Variants in TJP1 observed in about 807,000 individuals in gnomAD.
The protein encoded by TJP1 is tight junction protein ZO-1.
Under a neutral mutation model 194.2 loss-of-function variants are expected in TJP1, and 43 were observed. The ratio of observed to expected loss-of-function variants is 0.22; its 90% CI spans 0.17 to 0.29. TJP1 has a LOEUF of 0.29. Ranked by LOEUF, TJP1 falls within the 10% of genes least tolerant of loss-of-function variation. The probability of loss-of-function intolerance (pLI) is 1.00; values close to 1 mark genes in which losing one functional copy is unlikely to be tolerated. For missense variants in TJP1, 1,971 were observed against 2,185.7 expected (o/e 0.90, Z 1.96); for synonymous variants, 801 against 779.0 (o/e 1.03, Z -0.47).
At chr15:29,899,969 T>C (rs1362054706) in intron 2 of TJP1, among the ~76,000 whole-genome samples, 1 of 152,012 alleles carries the variant, frequency 6.6e-6, no homozygotes, top group Non-Finnish European at 1.5e-5. Flanking sequence ...TCTATTCCAG[T>C]AGGGAAAACA....
chr15:29,833,881 A>ATTTTTTTTTTTTT (rs10650949), intron 2 of TJP1, among the ~76,000 whole-genome samples: 13 of 12,614 alleles, frequency 1.0e-3, no homozygotes, highest in African/African-American at 1.2e-3. Context: ...ATATATATAT[A>ATTTTTTTTTTTTT]TTTTTTTTTT....
intron 2 of TJP1, among the ~76,000 whole-genome samples, chr15:29,874,902 A>G (rs1187857359): frequency 6.6e-6 from 1 of 152,250 alleles, no homozygotes; most frequent in Non-Finnish European, 1.5e-5. Flanking sequence ...GTAAATACAG[A>G]GCTAATAATT....
At chr15:29,744,244 T>G (rs1027227762) in intron 8 of TJP1, among the ~76,000 whole-genome samples, 1 of 152,028 alleles carries the variant, frequency 6.6e-6, no homozygotes, top group African/African-American at 2.4e-5. Flanking sequence ...TAGGGAAAGA[T>G]ATGGAGAAAC....
chr15:29,815,936 G>C (rs2049882814), intron 1 of TJP1, among the ~76,000 whole-genome samples: 1 of 152,080 alleles, frequency 6.6e-6, no homozygotes, highest in African/African-American at 2.4e-5. Context: ...AAATCAAACG[G>C]GAAGCAGTAC....
At position 29,938,053 on chromosome 15, in the gene TJP1, T is replaced by C. The variant is rs151260080; in HGVS notation, c.306+18179A>G. 1.8e-3 allele frequency among the ~76,000 whole-genome samples: 267 copies of C among 152,362 alleles called. 2 individuals are homozygous for C. The highest frequency in any genetic ancestry group is 6.2e-3 in the African/African-American group (258 of 41,584). On this transcript the variant is annotated intron_variant, in intron 2 of 28. Coordinates refer to the TJP1 transcript ENST00000356107. The stretch of plus-strand genomic sequence containing the variant: ...TCTGCTGTGAATACAGGACCTGTAA[T>C]ATGCTTGTTCTACTTGACATATAAA...
rs368537788 is a variant in TJP1 at position 29,719,795 on chromosome 15, C to T, written c.2985G>A (p.Ser995=). The T allele has an allele frequency of 5.7e-5, 92 of 1,613,678 alleles. 2 individuals are homozygous for T. Among genetic ancestry groups the T allele is most frequent in the South Asian group, 4.7e-4 (43 of 90,958 alleles). ...MLRDQEPSLS[S]HVDPTKVYRK... Reference sequence around the variant, plus strand: ...CAGGTACCTTTGTTGGATCTACATGCGACGACAATGATGGTTCTTGATCTC... The same window carrying T: ...CAGGTACCTTTGTTGGATCTACATGTGACGACAATGATGGTTCTTGATCTC... The change falls in exon 20 of 28, where the codon TCG becomes TCA. Residue 995 remains serine (S), a synonymous_variant. Transcript: ENST00000614355.
intron 2 of TJP1, among the ~76,000 whole-genome samples, chr15:29,878,152 C>G (rs1778177503): frequency 6.6e-6 from 1 of 152,130 alleles, no homozygotes; most frequent in Admixed American, 6.5e-5. Context: ...CAGGATCACG[C>G]CAGTCTCCTG....
At chr15:29,721,972 T>A (rs1054126943) in intron 18 of TJP1, among the ~76,000 whole-genome samples, 1 of 152,240 alleles carries the variant, frequency 6.6e-6, no homozygotes, top group Non-Finnish European at 1.5e-5. Context: ...GCATTCAAGA[T>A]GCGACCTGGC....
intron 2 of TJP1, among the ~76,000 whole-genome samples, chr15:29,858,525 A>C (rs1001654314): frequency 6.6e-6 from 1 of 152,194 alleles, no homozygotes; most frequent in Non-Finnish European, 1.5e-5. Flanking sequence ...TTCTGAAGAC[A>C]GATAGCCACT....
At chr15:29,768,584 A>C (rs1454521603) in intron 4 of TJP1, among the ~76,000 whole-genome samples, 1 of 152,148 alleles carries the variant, frequency 6.6e-6, no homozygotes, top group Non-Finnish European at 1.5e-5. Context: ...GACGTGCATT[A>C]TATGGTTATC....
rs1274794884 is a variant in TJP1 at position 29,737,114 on chromosome 15, C to T, written c.1407+150G>A. 1.3e-5 allele frequency: 11 copies of T among 855,402 alleles called. No homozygotes were observed. The East Asian group carries it at 2.8e-4, about 22-fold the overall frequency. 53.0% of individuals were successfully genotyped at this position (855,402 alleles called of 1,614,324 possible). A position where few individuals can be genotyped will look rare whatever the true frequency, so the allele number is the denominator to read the frequency against. ...AGTGAGAAGTCCAGCATAAGGTAGA[C>T]CTGATGGATTTTGACTTTCAAAGTT... On this transcript the variant is annotated intron_variant, in intron 11 of 27. Transcript: ENST00000614355.
At chr15:29,833,998 T>G (rs1178930068) in intron 2 of TJP1, among the ~76,000 whole-genome samples, 6 of 58,722 alleles carry the variant, frequency 1.0e-4, no homozygotes, top group Admixed American at 2.3e-4. Context: ...TTCTCCTGCC[T>G]CAGCCTCCTG....
intron 9 of TJP1, among the ~76,000 whole-genome samples, chr15:29,742,431 T>C (rs973405534): frequency 1.3e-5 from 2 of 152,202 alleles, no homozygotes; most frequent in Non-Finnish European, 2.9e-5. Context: ...ATGATAAATA[T>C]TTTCTATCTA....
rs977675861 is a variant in TJP1 at position 29,822,424 on chromosome 15, C to T, written c.-396G>A. On this transcript the variant is annotated 5_prime_UTR_variant, in exon 1 of 28. Transcript: ENST00000614355. ...CCGGGAACCGGCGGCCGCCAAGGAA[C>T]GCGGCGTCCGCTGGCTCAGCCGGCG... The T allele has an allele frequency of 7.1e-6, 7 of 990,236 alleles. No individual in the cohort carries two copies. The highest frequency in any genetic ancestry group is 1.7e-5 in the African/African-American group (1 of 57,474). The allele number at this position is 990,236 out of a possible 1,614,324, so 61.3% of individuals were successfully genotyped here.
Position 29,737,299 on chromosome 15 carries a change from T to TAGA in TJP1, c.1371_1372insTCT (p.Ala457_Lys458insSer). On this transcript the variant is annotated inframe_insertion, in exon 11 of 28. Coordinates refer to ENST00000614355, the MANE Select transcript of TJP1 (RefSeq NM_001330239.4). ...TGATCACCTTCCTCTAAGCCTTCCT[T>TAGA]GGCTGCAGGGCTATCTTCTAGAACG... 3.1e-6 allele frequency: 5 copies of TAGA among 1,614,178 alleles called. No individual in the cohort carries two copies. Among genetic ancestry groups the TAGA allele is most frequent in the Non-Finnish European group, 4.2e-6 (5 of 1,180,014 alleles).
chr15:29,961,824 G>A (rs2056175617), intron 1 of TJP1, among the ~76,000 whole-genome samples: 1 of 152,206 alleles, frequency 6.6e-6, no homozygotes, highest in African/African-American at 2.4e-5. Context: ...TCAGAGGCTT[G>A]CAGACCAGTG....
chr15:29,836,457 G>A (rs578132055), intron 2 of TJP1, among the ~76,000 whole-genome samples: 8 of 152,030 alleles, frequency 5.3e-5, no homozygotes, highest in African/African-American at 1.9e-4. Flanking sequence ...TATTTTAGTA[G>A]AGACGGGGTT....
At chr15:29,948,751 C>T (rs921812667) in intron 2 of TJP1, among the ~76,000 whole-genome samples, 2 of 152,052 alleles carry the variant, frequency 1.3e-5, no homozygotes, top group African/African-American at 4.8e-5. Context: ...TGCAGAACTT[C>T]TAGTATATAA....
chr15:29,948,018 G>C (rs190010778), intron 2 of TJP1, among the ~76,000 whole-genome samples: 1 of 152,272 alleles, frequency 6.6e-6, no homozygotes, highest in African/African-American at 2.4e-5. Context: ...TGTAATCCCA[G>C]CACTTTGGGA....
Sources: gnomAD v4.1 joint callset for allele counts (sites outside exome capture counted in the v4.1 genomes callset) on GRCh38, gnomAD v4.1.1 for gene constraint, MANE v1.5 for transcripts, NCBI Gene and HGNC (gene_info 2026-07-23, HGNC 2026-07-21) for gene names.